Variants in RFTN1 observed in about 807,000 individuals in gnomAD.
RFTN1 encodes raftlin, lipid raft linker 1, also known as raftlin.
RFTN1 carries 26 observed loss-of-function variants against 46.5 expected under a neutral mutation model. That is an observed-to-expected ratio of 0.56 (90% CI 0.41 to 0.78). The LOEUF (loss-of-function observed/expected upper bound fraction) is 0.78. Among genes scored for constraint, RFTN1 ranks in the 30% least tolerant of loss-of-function variants. RFTN1 has a pLI of 0.00. For synonymous variants in RFTN1, 261 were observed against 284.2 expected, an observed-to-expected ratio of 0.92 and a Z score of 0.82; for missense variants, 693 against 718.7, an observed-to-expected ratio of 0.96 and a Z score of 0.41.
intron 1 of RFTN1, among the ~76,000 whole-genome samples, chr3:16,505,686 G>C (rs2076792939): frequency 6.6e-6 from 1 of 152,160 alleles, no homozygotes; most frequent in African/African-American, 2.4e-5. Context: ...CCACATGATG[G>C]AGGGTGATCT....
At chr3:16,416,105 C>A (rs901226985) in intron 3 of RFTN1, 3 of 399,484 alleles carry the variant, frequency 7.5e-6, no homozygotes, top group African/African-American at 2.1e-5. Context: ...TGGGACCCCC[C>A]ACTTACACAG....
rs577369411 is a variant in RFTN1, at chr3:16,353,331, G to A, written c.1146+4601C>T. Among the ~76,000 whole-genome samples the A allele has an allele frequency of 4.5e-4, 68 of 152,302 alleles. 1 individual carries two copies. Among genetic ancestry groups the A allele is most frequent in the African/African-American group, 1.6e-3 (66 of 41,576 alleles). On this transcript the variant is annotated intron_variant, in intron 7 of 9. Transcript: ENST00000334133. This position sits in a 1 kb window ranked among gnomAD's most constrained non-coding sequence, Gnocchi z 5.4. The stretch of plus-strand genomic sequence containing the variant: ...CCCCAGCCTTAGAGAGGGGCAGGCA[G>A]GAGAGGGGCTGTCTGCAGGCCCAAG...
At chr3:16,482,271 C>T (rs1234012483) in intron 2 of RFTN1, among the ~76,000 whole-genome samples, 9 of 152,214 alleles carry the variant, frequency 5.9e-5, no homozygotes, top group African/African-American at 2.2e-4. Flanking sequence ...GAACAAAAAA[C>T]ATCTCTAGAC....
intron 2 of RFTN1, among the ~76,000 whole-genome samples, chr3:16,445,535 G>A (rs1375231218): frequency 2.2e-5 from 3 of 135,584 alleles, no homozygotes; most frequent in African/African-American, 2.9e-5. Flanking sequence ...CTCTACCAGC[G>A]CTGTCCAAGA....
Position 16,507,632 on chromosome 3 carries a change from A to C in RFTN1, c.-9+5810T>G, listed in dbSNP as rs1350671300. Among the ~76,000 whole-genome samples the C allele has an allele frequency of 6.6e-6, 1 of 151,886 alleles. No homozygotes were observed. Among genetic ancestry groups the C allele is most frequent in the Non-Finnish European group, 1.5e-5 (1 of 67,926 alleles). ...CACACACACACACACATACACACAC[A>C]CATGCACACATCCACAAACACGCAC... On this transcript the variant is annotated intron_variant, in intron 1 of 9. Transcript: ENST00000334133. The surrounding 1 kb of genome is among the most constrained non-coding windows in gnomAD (Gnocchi z 7.1).
chr3:16,401,755 G>A (rs1010532744), intron 4 of RFTN1, among the ~76,000 whole-genome samples: 6 of 152,156 alleles, frequency 3.9e-5, no homozygotes, highest in South Asian at 2.1e-4. Context: ...GTCTGCTTAC[G>A]CTGAAAAACC....
chr3:16,492,614 G>C (rs1041310668), intron 2 of RFTN1, among the ~76,000 whole-genome samples: 1 of 152,256 alleles, frequency 6.6e-6, no homozygotes, highest in South Asian at 2.1e-4. Flanking sequence ...CAGAAGCCCA[G>C]GGAGAAAATG....
At chr3:16,419,292 G>A (rs2125464681) in intron 3 of RFTN1, among the ~76,000 whole-genome samples, 1 of 152,236 alleles carries the variant, frequency 6.6e-6, no homozygotes, top group East Asian at 1.9e-4. Context: ...CAAAGTTACT[G>A]AGAAAGGACG....
Position 16,426,463 on chromosome 3 carries a change from C to G in RFTN1, c.332+7388G>C, listed in dbSNP as rs1460222307. ...TTCCCAATTTTGCCCTTTTCAAATG[C>G]CAAAGAAAATGTTCATATTATCTTG... On this transcript the variant is annotated intron_variant, in intron 3 of 9. Coordinates refer to ENST00000334133, the MANE Select transcript of RFTN1 (RefSeq NM_015150.2). The surrounding 1 kb of genome is among the most constrained non-coding windows in gnomAD (Gnocchi z 5.9). Among the ~76,000 whole-genome samples, 6 of 151,846 alleles carry G rather than the reference C, an allele frequency of 4.0e-5. No individual in the cohort carries two copies. Among genetic ancestry groups the G allele is most frequent in the Admixed American group, 3.9e-4 (6 of 15,228 alleles).
Position 16,433,224 on chromosome 3 carries a change from A to G in RFTN1, c.332+627T>C, listed in dbSNP as rs1443429844. Among the ~76,000 whole-genome samples the G allele has an allele frequency of 6.6e-6, 1 of 150,924 alleles. No homozygotes were observed. Among genetic ancestry groups the G allele is most frequent in the East Asian group, 2.0e-4 (1 of 5,126 alleles). On this transcript the variant is annotated intron_variant, in intron 3 of 9. Transcript: ENST00000334133. This position sits in a 1 kb window ranked among gnomAD's most constrained non-coding sequence, Gnocchi z 4.4. ...TTGTTCCTTTTGAAAGACTAACCCC[A>G]CTTCTCTTTTCTTAATTAGGCTCAA...
intron 2 of RFTN1, among the ~76,000 whole-genome samples, chr3:16,488,356 T>C (rs568776044): frequency 3.9e-5 from 6 of 152,166 alleles, no homozygotes; most frequent in Admixed American, 6.5e-5. Flanking sequence ...GCCTCGGCCT[T>C]CCAAAGTGTT....
intron 2 of RFTN1, among the ~76,000 whole-genome samples, chr3:16,492,626 G>A (rs186711958): frequency 2.0e-5 from 3 of 152,312 alleles, no homozygotes; most frequent in South Asian, 2.1e-4. Flanking sequence ...GAGAAAATGT[G>A]TTCAGATGAC....
intron 4 of RFTN1, among the ~76,000 whole-genome samples, chr3:16,393,570 T>G (rs1166018355): frequency 1.3e-5 from 2 of 152,248 alleles, no homozygotes; most frequent in East Asian, 3.8e-4. Flanking sequence ...TCTCAGTTAC[T>G]TTATTTTGAA....
Position 16,443,709 on chromosome 3 carries a change from C to T in RFTN1, c.146-9672G>A, listed in dbSNP as rs2075672733. Among the ~76,000 whole-genome samples, 1 of 151,552 alleles carries T rather than the reference C, an allele frequency of 6.6e-6. No homozygotes were observed. The highest frequency in any genetic ancestry group is 1.5e-5 in the Non-Finnish European group (1 of 67,890). On this transcript the variant is annotated intron_variant, in intron 2 of 9. Transcript: ENST00000334133. The surrounding 1 kb of genome is among the most constrained non-coding windows in gnomAD (Gnocchi z 5.5). ...AGAGTTAAGTTGTTATTGGTTTGCT[C>T]GTCATTTCAGAGAATCACACATAGT...
Position 16,391,905 on chromosome 3 carries a change from G to A in RFTN1, c.442-13803C>T, listed in dbSNP as rs535187315. Among the ~76,000 whole-genome samples, 11 of 104,418 alleles carry A rather than the reference G, an allele frequency of 1.1e-4. No homozygotes were observed. The East Asian group carries it at 2.2e-3, about 21-fold the overall frequency. 68.5% of individuals were successfully genotyped at this position (104,418 alleles called of 152,430 possible). ...TTGTTTTTTTTTTTGTTTTTTTTAC[G>A]GGGAAGAAAGCTAAGAATTTCAGAA... On this transcript the variant is annotated intron_variant, in intron 4 of 9. Transcript: ENST00000334133.
At chr3:16,482,711 A>T in intron 2 of RFTN1, 1 of 1,421,202 alleles carries the variant, frequency 7.0e-7, no homozygotes, top group Non-Finnish European at 9.6e-7. Flanking sequence ...AGCTGTTATT[A>T]CTGTTGCTAC....
intron 7 of RFTN1, among the ~76,000 whole-genome samples, chr3:16,332,329 CATTTT>C (rs2070399905): frequency 8.5e-6 from 1 of 118,264 alleles, no homozygotes; most frequent in Admixed American, 9.0e-5. Flanking sequence ...AGATTTCCTT[CATTTT>C]GTCTTCCAAC....
chr3:16,462,589 G>A (rs1437237105), intron 2 of RFTN1, among the ~76,000 whole-genome samples: 1 of 152,228 alleles, frequency 6.6e-6, no homozygotes, highest in African/African-American at 2.4e-5. Flanking sequence ...CTGCAGCTAC[G>A]AGCCAATGAA....
intron 4 of RFTN1, among the ~76,000 whole-genome samples, chr3:16,401,886 G>C (rs1257031878): frequency 6.6e-6 from 1 of 152,232 alleles, no homozygotes. Flanking sequence ...AGAGAGCGGA[G>C]GCTCAGTGGA....
Sources: gnomAD v4.1 joint callset for allele counts (sites outside exome capture counted in the v4.1 genomes callset) on GRCh38, gnomAD v4.1.1 for gene constraint, Gnocchi (gnomAD v3.1) non-coding constraint, MANE v1.5 for transcripts, NCBI Gene and HGNC (gene_info 2026-07-23, HGNC 2026-07-21) for gene names.